Variants in GALNT13 observed in about 807,000 individuals in gnomAD.
The protein encoded by GALNT13 is polypeptide N-acetylgalactosaminyltransferase 13, also known as UDP-GalNAc:polypeptide N-acetylgalactosaminyltransferase 13.
GALNT13 carries 28 observed loss-of-function variants against 64.2 expected under a neutral mutation model. The ratio of observed to expected loss-of-function variants is 0.44; its 90% CI spans 0.32 to 0.60. The LOEUF is 0.60. GALNT13 is among the 20% of genes least tolerant of loss of function. The pLI, the probability that GALNT13 is intolerant of heterozygous loss-of-function variation, is 0.05. For missense variants in GALNT13, 577 were observed against 669.8 expected (o/e 0.86, Z 1.53); for synonymous variants, 214 against 224.6 (o/e 0.95, Z 0.42).
At chr2:153,975,824 A>G (rs1249517307) in intron 3 of GALNT13, among the ~76,000 whole-genome samples, 1 of 152,098 alleles carries the variant, frequency 6.6e-6, no homozygotes, top group Non-Finnish European at 1.5e-5. Context: ...ATCTTCTCAC[A>G]GCACTACACA....
At chr2:153,173,308 G>T in the GALNT13 span, 1 of 152,154 alleles carries the variant, frequency 6.6e-6, no homozygotes, top group Non-Finnish European at 1.5e-5. Context: ...GGTCACCCCT[G>T]GGATGCTCTG....
chr2:153,225,525 T>C, the GALNT13 span, among the ~76,000 whole-genome samples: 3 of 152,070 alleles, frequency 2.0e-5, no homozygotes, highest in Admixed American at 6.5e-5. Context: ...ATAAAAGATA[T>C]ATAGATTGGA....
upstream of GALNT13, among the ~76,000 whole-genome samples, chr2:153,871,206 A>C (rs1685903716): frequency 1.3e-5 from 2 of 152,100 alleles, no homozygotes; most frequent in Non-Finnish European, 2.9e-5. Context: ...TATCATACCT[A>C]CTTGCCTGAG....
chr2:153,952,020 A>T (rs1367664711), intron 3 of GALNT13, among the ~76,000 whole-genome samples: 1 of 152,138 alleles, frequency 6.6e-6, no homozygotes, highest in African/African-American at 2.4e-5. Flanking sequence ...GCTCTTGGGC[A>T]ACATAAGTAC....
the GALNT13 span, among the ~76,000 whole-genome samples, chr2:153,150,699 A>G: frequency 9.2e-5 from 14 of 152,224 alleles, no homozygotes; most frequent in South Asian, 2.9e-3. Flanking sequence ...ATGGCTAGCC[A>G]GTTTTCCCAG....
At chr2:153,611,536 T>C in the GALNT13 span, among the ~76,000 whole-genome samples, 1 of 152,026 alleles carries the variant, frequency 6.6e-6, no homozygotes, top group Non-Finnish European at 1.5e-5. Context: ...GCCAGGCTAA[T>C]TTTTAGTAAA....
the GALNT13 span, among the ~76,000 whole-genome samples, chr2:153,291,250 T>C: frequency 6.6e-6 from 1 of 152,164 alleles, no homozygotes; most frequent in Non-Finnish European, 1.5e-5. Context: ...TTGCATCATT[T>C]TAGAAAACAG....
chr2:153,244,623 T>G, the GALNT13 span, among the ~76,000 whole-genome samples: 2 of 152,094 alleles, frequency 1.3e-5, no homozygotes, highest in Non-Finnish European at 2.9e-5. Context: ...TTTCCCATGG[T>G]TTTTGTCTGG....
the GALNT13 span, among the ~76,000 whole-genome samples, chr2:153,314,125 A>T: frequency 6.6e-6 from 1 of 152,194 alleles, no homozygotes; most frequent in East Asian, 1.9e-4. Flanking sequence ...TTCTGGATTT[A>T]AAAGTATACT....
chr2:153,923,375 A>G (rs867832494), intron 2 of GALNT13, among the ~76,000 whole-genome samples: 2 of 152,132 alleles, frequency 1.3e-5, no homozygotes, highest in Admixed American at 6.6e-5. Context: ...TTATAATAGA[A>G]CCAATTACAT....
the GALNT13 span, among the ~76,000 whole-genome samples, chr2:153,348,874 G>T: frequency 6.6e-6 from 1 of 152,196 alleles, no homozygotes; most frequent in African/African-American, 2.4e-5. Context: ...CAGCATCACA[G>T]AGCTTAGGGG....
At chr2:153,926,245 G>T (rs915351288) in intron 2 of GALNT13, 20 of 152,092 alleles carry the variant, frequency 1.3e-4, no homozygotes, top group African/African-American at 4.1e-4. Flanking sequence ...TTATTTACAT[G>T]AGATGAATAT....
chr2:153,482,207 G>A, the GALNT13 span, among the ~76,000 whole-genome samples: 2 of 152,124 alleles, frequency 1.3e-5, no homozygotes, highest in Non-Finnish European at 2.9e-5. Context: ...TTTTCTTAAT[G>A]ACAGGATATC....
chr2:154,440,312 A>G (rs1430999282), intron 12 of GALNT13, among the ~76,000 whole-genome samples: 1 of 152,160 alleles, frequency 6.6e-6, no homozygotes, highest in Non-Finnish European at 1.5e-5. Flanking sequence ...ACTTTTCCAT[A>G]ACTCTTGAGT....
chr2:153,163,735 G>A, the GALNT13 span, among the ~76,000 whole-genome samples: 212 of 152,262 alleles, frequency 1.4e-3, 1 homozygote, highest in African/African-American at 4.1e-3. Context: ...ATGTGGTCAG[G>A]CTGGCCGGAC....
intron 2 of GALNT13, among the ~76,000 whole-genome samples, chr2:153,935,417 C>T (rs1048124259): frequency 1.1e-4 from 16 of 152,164 alleles, no homozygotes; most frequent in Admixed American, 2.0e-4. Context: ...TTATTTGGAT[C>T]ATCATTACAT....
chr2:154,152,212 A>G (rs1446510939), intron 4 of GALNT13, among the ~76,000 whole-genome samples: 3 of 152,164 alleles, frequency 2.0e-5, no homozygotes, highest in Non-Finnish European at 2.9e-5. Flanking sequence ...CTGGATATGA[A>G]ATTCTGGGTT....
the GALNT13 span, among the ~76,000 whole-genome samples, chr2:153,622,192 C>A: frequency 3.3e-5 from 5 of 151,978 alleles, no homozygotes; most frequent in Non-Finnish European, 7.4e-5. Context: ...TAAAATAATT[C>A]TTACTATATT....
At chr2:154,129,886 T>C (rs1231532931) in intron 3 of GALNT13, among the ~76,000 whole-genome samples, 1 of 152,066 alleles carries the variant, frequency 6.6e-6, no homozygotes, top group Admixed American at 6.5e-5. Flanking sequence ...GCAGTTCCCT[T>C]ACCAGCTGGC....
Sources: allele counts gnomAD v4.1 joint callset (sites outside exome capture counted in the v4.1 genomes callset), GRCh38; gene constraint gnomAD v4.1.1; transcripts MANE v1.5; gene names NCBI Gene and HGNC (gene_info 2026-07-23, HGNC 2026-07-21).